The following COL19A1 variants were observed in gnomAD, a reference collection of about 807,000 sequenced individuals.
The protein encoded by COL19A1 is collagen alpha-1(XIX) chain.
COL19A1 carries 159 observed loss-of-function variants against 190.2 expected under a neutral mutation model. That is an observed-to-expected ratio of 0.84 (90% CI 0.73 to 0.95). The LOEUF is 0.95. Among genes scored for constraint, COL19A1 ranks in the 40% least tolerant of loss-of-function variants. COL19A1 has a pLI of 0.00. For missense variants in COL19A1, 1,418 were observed against 1,431.9 expected (o/e 0.99, Z 0.16); for synonymous variants, 509 against 458.9 (o/e 1.11, Z -1.39).
intron 16 of COL19A1, among the ~76,000 whole-genome samples, chr6:70,104,943 A>C (rs999848147): frequency 1.1e-4 from 16 of 152,294 alleles, no homozygotes; most frequent in Admixed American, 2.0e-4. Context: ...AAGATTAAAA[A>C]ACATGTGACT....
intron 1 of COL19A1, among the ~76,000 whole-genome samples, chr6:69,867,936 A>C (rs73749313): frequency 0.017 from 2,574 of 152,022 alleles, 73 homozygotes; most frequent in African/African-American, 0.058. Flanking sequence ...GAGTAAGGGA[A>C]ATAAATTGCG....
Position 70,041,434 on chromosome 6 carries a change from C to T in COL19A1, c.1170+5495C>T, listed in dbSNP as rs367995134. The stretch of plus-strand genomic sequence containing the variant: ...ACTGATAACCATTTTAAAAATAGCA[C>T]ATCTTGTTAGATTTTAAGTAATAAT... On this transcript the variant is annotated intron_variant, in intron 14 of 50. Coordinates refer to ENST00000620364, the MANE Select transcript of COL19A1 (RefSeq NM_001858.6). Among the ~76,000 whole-genome samples, 8 of 152,036 alleles carry T rather than the reference C, an allele frequency of 5.3e-5. No individual in the cohort carries two copies. In the East Asian group the frequency reaches 5.8e-4, roughly 11 times the overall value.
At chr6:69,944,284 C>T (rs1416070714) in intron 9 of COL19A1, among the ~76,000 whole-genome samples, 1 of 152,124 alleles carries the variant, frequency 6.6e-6, no homozygotes, top group Admixed American at 6.6e-5. Context: ...CATCACGCAT[C>T]TATTTCTTTC....
In COL19A1 at chr6:69,952,955, T is replaced by C. The variant is rs547940947; in HGVS notation, c.937-7041T>C. The stretch of plus-strand genomic sequence containing the variant: ...AATGCTTCAGAGACTCAGAAACTTA[T>C]AGGCAAGTAGTATAAAAGCTAGAGA... On this transcript the variant is annotated intron_variant, in intron 9 of 50. Coordinates refer to ENST00000620364, the MANE Select transcript of COL19A1 (RefSeq NM_001858.6). Among the ~76,000 whole-genome samples, 20 of 152,150 alleles carry C rather than the reference T, an allele frequency of 1.3e-4. No individual in the cohort carries two copies. The South Asian group carries it at 3.1e-3, about 24-fold the overall frequency.
At chr6:70,023,576 C>A in intron 11 of COL19A1, 51 bp from the exon 12 acceptor site, 1 of 1,480,536 alleles carries the variant, frequency 6.8e-7, no homozygotes, top group African/African-American at 1.4e-5. Flanking sequence ...TTTTTGCTAG[C>A]AAAGGTTTTC....
intron 25 of COL19A1, 76 bp downstream of exon 25, chr6:70,145,083 C>T: frequency 7.5e-6 from 8 of 1,069,236 alleles, no homozygotes. Context: ...AGTTTCAGAT[C>T]ACAAGTATGG....
chr6:70,123,057 A>G (rs1421068622), intron 17 of COL19A1, among the ~76,000 whole-genome samples: 1 of 152,216 alleles, frequency 6.6e-6, no homozygotes, highest in Non-Finnish European at 1.5e-5. Context: ...CAACCTACTC[A>G]TCTGACAAAG....
intron 4 of COL19A1, among the ~76,000 whole-genome samples, chr6:69,908,182 C>T (rs1483501139): frequency 1.3e-5 from 2 of 152,166 alleles, no homozygotes; most frequent in Admixed American, 1.3e-4. Flanking sequence ...TCCAAGTTCT[C>T]AAAACAAATT....
intron 11 of COL19A1, among the ~76,000 whole-genome samples, chr6:69,989,837 G>A (rs1343333982): frequency 6.6e-6 from 1 of 152,018 alleles, no homozygotes; most frequent in Admixed American, 6.6e-5. Flanking sequence ...CATCTCTAAA[G>A]CAGAGTAGTA....
intron 46 of COL19A1, among the ~76,000 whole-genome samples, chr6:70,187,082 G>C (rs558116963): frequency 6.6e-6 from 1 of 152,204 alleles, no homozygotes; most frequent in Admixed American, 6.5e-5. Flanking sequence ...GTTTCTCCAT[G>C]TTGGTCAGGC....
At chr6:70,054,859 A>T (rs979166271) in intron 14 of COL19A1, among the ~76,000 whole-genome samples, 3 of 152,210 alleles carry the variant, frequency 2.0e-5, no homozygotes, top group Non-Finnish European at 4.4e-5. Flanking sequence ...TTTAAAAATA[A>T]TTAAGCATAA....
intron 11 of COL19A1, among the ~76,000 whole-genome samples, chr6:69,993,069 C>T (rs182519079): frequency 3.5e-4 from 53 of 152,084 alleles, no homozygotes; most frequent in African/African-American, 1.2e-3. Flanking sequence ...TTTGCCCATT[C>T]GGTATAATGT....
intron 41 of COL19A1, among the ~76,000 whole-genome samples, chr6:70,173,139 G>A (rs1765594225): frequency 6.6e-6 from 1 of 152,190 alleles, no homozygotes; most frequent in African/African-American, 2.4e-5. Flanking sequence ...TGAAGGGGTG[G>A]AATTATCAGG....
At chr6:69,987,615 A>G (rs1265133337) in intron 11 of COL19A1, among the ~76,000 whole-genome samples, 1 of 152,200 alleles carries the variant, frequency 6.6e-6, no homozygotes, top group Non-Finnish European at 1.5e-5. Context: ...CAAATGTGAA[A>G]GACATAAGCA....
At chr6:70,017,292 C>A (rs1208678085) in intron 11 of COL19A1, among the ~76,000 whole-genome samples, 1 of 151,970 alleles carries the variant, frequency 6.6e-6, no homozygotes, top group African/African-American at 2.4e-5. Flanking sequence ...ACTATAGAGA[C>A]AAAAACTATG....
chr6:70,137,368 C>A (rs1254896535), intron 18 of COL19A1, among the ~76,000 whole-genome samples: 1 of 152,120 alleles, frequency 6.6e-6, no homozygotes, highest in Non-Finnish European at 1.5e-5. Flanking sequence ...GGTTTTGGCA[C>A]ACCAGAACAA....
intron 15 of COL19A1, among the ~76,000 whole-genome samples, chr6:70,096,588 A>C (rs561504907): frequency 6.6e-6 from 1 of 152,198 alleles, no homozygotes; most frequent in Non-Finnish European, 1.5e-5. Context: ...AAGAGAAAAA[A>C]TGGGGCACAG....
In COL19A1 at chr6:70,087,829, A is replaced by G. The variant is rs540319312; in HGVS notation, c.1225-14340A>G. ...AATTTGAAAAACATTTCTGTGACACATCTATCCCATAAGTTATCCATGATG... is the reference window on the plus strand; with the variant it reads ...AATTTGAAAAACATTTCTGTGACACGTCTATCCCATAAGTTATCCATGATG... On this transcript the variant is annotated intron_variant, in intron 15 of 50. Coordinates refer to ENST00000620364, the MANE Select transcript of COL19A1 (RefSeq NM_001858.6). Among the ~76,000 whole-genome samples, 255 of 152,326 alleles carry G rather than the reference A, an allele frequency of 1.7e-3. 1 individual carries two copies. Among genetic ancestry groups the G allele is most frequent in the South Asian group, 7.5e-3 (36 of 4,826 alleles).
At chr6:70,053,906 T>C (rs1780353096) in intron 14 of COL19A1, among the ~76,000 whole-genome samples, 2 of 152,236 alleles carry the variant, frequency 1.3e-5, no homozygotes. Flanking sequence ...ACAGATTTTA[T>C]GAATGAAGAA....
Sources: allele counts gnomAD v4.1 joint callset (sites outside exome capture counted in the v4.1 genomes callset), GRCh38; gene constraint gnomAD v4.1.1; transcripts MANE v1.5; gene names NCBI Gene and HGNC (gene_info 2026-07-23, HGNC 2026-07-21).